Variants in SHANK2 observed in about 807,000 individuals in gnomAD.
SHANK2 encodes SH3 and multiple ankyrin repeat domains protein 2.
A neutral mutation model predicts 133.7 loss-of-function variants in SHANK2; 43 were observed. The ratio of observed to expected loss-of-function variants is 0.32; its 90% CI spans 0.25 to 0.41. The LOEUF is 0.41. Ranked by LOEUF, SHANK2 falls within the 10% of genes least tolerant of loss-of-function variation. The probability of loss-of-function intolerance (pLI) is 1.00; values close to 1 mark genes in which losing one functional copy is unlikely to be tolerated. For synonymous variants in SHANK2, 1,017 were observed against 952.8 expected, an observed-to-expected ratio of 1.07 and a Z score of -1.24; for missense variants, 1,994 against 2,235.8, an observed-to-expected ratio of 0.89 and a Z score of 2.18.
Position 70,583,838 on chromosome 11 carries a change from C to T in SHANK2, c.2061+75990G>A, listed in dbSNP as rs376931566. ...CCACGGTATAACGTCTGCGGGCTGC[C>T]CGCTCCTCACAGGTAAAAGCCAGCA... is the stretch of plus-strand genomic sequence containing the variant. On this transcript the variant is annotated intron_variant, in intron 17 of 25. Transcript: ENST00000601538. Among the ~76,000 whole-genome samples the T allele has an allele frequency of 7.2e-4, 109 of 152,318 alleles. 1 individual carries two copies. In the South Asian group the frequency reaches 0.022, roughly 30 times the overall value.
chr11:70,548,927 T>C (rs1211215479), intron 17 of SHANK2, among the ~76,000 whole-genome samples: 1 of 152,048 alleles, frequency 6.6e-6, no homozygotes, highest in Non-Finnish European at 1.5e-5. Context: ...TGCTAGGGGT[T>C]GCCAGCAGCC....
At chr11:71,193,663 G>T (rs1469993174) in intron 2 of SHANK2, among the ~76,000 whole-genome samples, 1 of 152,158 alleles carries the variant, frequency 6.6e-6, no homozygotes, top group Non-Finnish European at 1.5e-5. Context: ...CTGGGCACCT[G>T]CACGAGTTGG....
At chr11:70,743,464 A>G (rs1946575869) in intron 14 of SHANK2, among the ~76,000 whole-genome samples, 1 of 152,224 alleles carries the variant, frequency 6.6e-6, no homozygotes, top group South Asian at 2.1e-4. Flanking sequence ...TCCAGCCTCC[A>G]GAGGGCTGAG....
intron 9 of SHANK2, among the ~76,000 whole-genome samples, chr11:71,069,244 C>A (rs1951110059): frequency 6.6e-6 from 1 of 152,074 alleles, no homozygotes; most frequent in Non-Finnish European, 1.5e-5. Context: ...TCACCATTAC[C>A]ATGGTTACTG....
At chr11:71,123,757 G>C (rs1221713625) in intron 3 of SHANK2, among the ~76,000 whole-genome samples, 3 of 152,194 alleles carry the variant, frequency 2.0e-5, no homozygotes, top group Non-Finnish European at 4.4e-5. Context: ...CTCACAGATA[G>C]TACAGAAAGG....
At chr11:70,942,258 ATC>A (rs2135851068) in intron 10 of SHANK2, among the ~76,000 whole-genome samples, 1 of 152,328 alleles carries the variant, frequency 6.6e-6, no homozygotes, top group East Asian at 1.9e-4. Context: ...GTTCAAGGGC[ATC>A]GCCTTGGCTT....
At chr11:70,721,188 C>T (rs1391968722) in intron 14 of SHANK2, among the ~76,000 whole-genome samples, 1 of 152,210 alleles carries the variant, frequency 6.6e-6, no homozygotes, top group Non-Finnish European at 1.5e-5. Context: ...TCTGCTGCTC[C>T]TTCCCGAAAG....
intron 13 of SHANK2, among the ~76,000 whole-genome samples, chr11:70,802,214 C>CT (rs781869044): frequency 1.3e-5 from 2 of 152,112 alleles, no homozygotes; most frequent in Non-Finnish European, 2.9e-5. Context: ...TTTAAGGCAC[C>CT]TATGAAAACC....
At chr11:70,770,920 T>G (rs1350454282) in intron 14 of SHANK2, among the ~76,000 whole-genome samples, 1 of 121,384 alleles carries the variant, frequency 8.2e-6, no homozygotes, top group African/African-American at 3.5e-5. Context: ...ACTTCCTTTT[T>G]TTTTTTTTTT....
At chr11:70,785,925 G>A (rs782603945) in intron 14 of SHANK2, among the ~76,000 whole-genome samples, 10 of 152,152 alleles carry the variant, frequency 6.6e-5, no homozygotes, top group Non-Finnish European at 1.2e-4. Flanking sequence ...CAAAGAGGAG[G>A]GGTTCCACTA....
In SHANK2 at chr11:70,493,386, A is replaced by AG. The variant is rs528454602; in HGVS notation, c.2309-922_2309-921insC. On this transcript the variant is annotated intron_variant, in intron 21 of 25. Transcript: ENST00000601538. ...TCCCATTTCCTTTAAAAAAAAAAAA[A>AG]AAAAAGAAAACCAAAGTTTAGTTAT... Among the ~76,000 whole-genome samples, 20 of 151,256 alleles carry AG rather than the reference A, an allele frequency of 1.3e-4. No homozygotes were observed. In the East Asian group the frequency reaches 3.7e-3, roughly 28 times the overall value.
intron 1 of SHANK2, among the ~76,000 whole-genome samples, chr11:71,236,145 G>T (rs1292573932): frequency 1.3e-5 from 2 of 152,174 alleles, no homozygotes; most frequent in Admixed American, 1.3e-4. Flanking sequence ...ACCATCCATA[G>T]AACACTCCTC....
intron 17 of SHANK2, among the ~76,000 whole-genome samples, chr11:70,637,260 C>T (rs1440287370): frequency 6.6e-6 from 1 of 152,172 alleles, no homozygotes; most frequent in East Asian, 1.9e-4. Flanking sequence ...CCCCAGCACT[C>T]AGGCTCTGTG....
intron 2 of SHANK2, among the ~76,000 whole-genome samples, chr11:71,193,819 G>A (rs548195052): frequency 1.6e-4 from 25 of 152,214 alleles, no homozygotes; most frequent in Admixed American, 7.8e-4. Context: ...CCTCTCCTTC[G>A]CCTGGGCACT....
chr11:70,502,218 G>T lies in SHANK2; in HGVS notation c.2266C>A (p.Leu756Met). The T allele has an allele frequency of 6.4e-7, 1 of 1,557,428 alleles. No individual in the cohort carries two copies. Among genetic ancestry groups the T allele is most frequent in the East Asian group, 2.4e-5 (1 of 42,350 alleles). The change falls in exon 19 of 26, where the codon CTG becomes ATG. Residue 756 changes from leucine (L) to methionine (M), a missense_variant. By Grantham distance (15) the Leu-to-Met change is conservative (BLOSUM62 2). This residue lies in a region of SHANK2 where 488 missense variants were observed against 642.6 expected (regional missense o/e 0.76). Coordinates refer to ENST00000601538, the MANE Select transcript of SHANK2 (RefSeq NM_012309.5). ...TLRSKSMTSE[L>M]EELVDKASVR... ...GTGTGCGACTTACCGAGCTCCTCCA[G>T]CTCCGAGGTCATGGACTTGGAGCGC...
At chr11:70,599,933 A>T (rs1031349388) in intron 17 of SHANK2, among the ~76,000 whole-genome samples, 16 of 122,428 alleles carry the variant, frequency 1.3e-4, no homozygotes, top group Admixed American at 2.3e-4. Context: ...GAAAGAAAGA[A>T]AGAAAGAAAG....
intron 17 of SHANK2, among the ~76,000 whole-genome samples, chr11:70,619,852 G>T (rs577817342): frequency 6.6e-6 from 1 of 152,328 alleles, no homozygotes; most frequent in African/African-American, 2.4e-5. Flanking sequence ...GTGAGACGCT[G>T]CCCAGTGTGA....
At chr11:70,855,797 G>A (rs1555066700) in intron 11 of SHANK2, among the ~76,000 whole-genome samples, 1 of 152,228 alleles carries the variant, frequency 6.6e-6, no homozygotes, top group African/African-American at 2.4e-5. Context: ...ATGGGTAACT[G>A]CATGGATTGT....
chr11:70,489,833 A>AC (rs11393923), intron 23 of SHANK2: 271,387 of 271,390 alleles, frequency 1, 135,692 homozygotes, highest in Middle Eastern at 1. Context: ...TCATTTCGAG[A>AC]CCTGACCCAA....
Sources: allele counts gnomAD v4.1 joint callset (sites outside exome capture counted in the v4.1 genomes callset), GRCh38; gene constraint gnomAD v4.1.1; regional missense constraint gnomAD v4.1.1; transcripts MANE v1.5; gene names NCBI Gene and HGNC (gene_info 2026-07-23, HGNC 2026-07-21).